RAPGEF4: variants seen among roughly 807,000 people sequenced by gnomAD.
The protein encoded by RAPGEF4 is RAP guanine-nucleotide-exchange factor (GEF) 4.
RAPGEF4 carries 66 observed loss-of-function variants against 147.9 expected under a neutral mutation model. The ratio of observed to expected loss-of-function variants is 0.45; its 90% CI spans 0.37 to 0.55. RAPGEF4 has a LOEUF of 0.55. RAPGEF4 is among the 20% of genes least tolerant of loss of function. The probability of loss-of-function intolerance (pLI) is 0.00; values close to 1 mark genes in which losing one functional copy is unlikely to be tolerated. For synonymous variants in RAPGEF4, 419 were observed against 442.7 expected (o/e 0.95, Z 0.67); for missense variants, 1,071 against 1,257.3 (o/e 0.85, Z 2.24).
rs543451897 is a variant in RAPGEF4 at position 173,030,146 on chromosome 2, G to A, written c.2559-18G>A. 7.2e-6 allele frequency: 11 copies of A among 1,530,296 alleles called. No individual in the cohort carries two copies. The highest frequency in any genetic ancestry group is 2.7e-5 in the African/African-American group (2 of 73,166). The allele number at this position is 1,530,296 out of a possible 1,614,324, so 94.8% of individuals were successfully genotyped here. On this transcript the variant is annotated intron_variant, in intron 25 of 30. Coordinates refer to ENST00000397081, the MANE Select transcript of RAPGEF4 (RefSeq NM_007023.4). ...CAGAAGTAACATTTTACTCAAACAC[G>A]CATCTCCTGTGTTTCAGCTGTAAGG...
At chr2:172,865,830 A>C (rs2149792855) in intron 4 of RAPGEF4, among the ~76,000 whole-genome samples, 1 of 152,122 alleles carries the variant, frequency 6.6e-6, no homozygotes, top group East Asian at 1.9e-4. Context: ...ACTGGCAATT[A>C]TATATATGTG....
chr2:172,923,807 T>C (rs1031331524), intron 6 of RAPGEF4, among the ~76,000 whole-genome samples: 4 of 152,272 alleles, frequency 2.6e-5, no homozygotes, highest in South Asian at 4.1e-4. Flanking sequence ...TCAGTAAACA[T>C]TGGGGCTATT....
chr2:172,814,438 G>T lies in RAPGEF4; in HGVS notation c.444+13G>T, dbSNP rs756078472. 13 of 1,613,906 alleles carry T rather than the reference G, an allele frequency of 8.1e-6. No individual in the cohort carries two copies. Among genetic ancestry groups the T allele is most frequent in the Non-Finnish European group, 1.1e-5 (13 of 1,179,892 alleles). On this transcript the variant is annotated intron_variant, in intron 4 of 30. Coordinates refer to ENST00000397081, the MANE Select transcript of RAPGEF4 (RefSeq NM_007023.4). ...GGCACTATGGGAGGTGAGCCCTAAG[G>T]CTTCTTTGTCAATTAATGCAGTTTC... is the stretch of plus-strand genomic sequence containing the variant.
intron 11 of RAPGEF4, among the ~76,000 whole-genome samples, chr2:172,984,945 G>A (rs1237581426): frequency 6.6e-6 from 1 of 152,130 alleles, no homozygotes; most frequent in Non-Finnish European, 1.5e-5. Context: ...TAGCTAGCTA[G>A]GAATAATTTG....
intron 4 of RAPGEF4, among the ~76,000 whole-genome samples, chr2:172,905,242 A>G (rs967802399): frequency 2.0e-5 from 3 of 151,862 alleles, no homozygotes; most frequent in African/African-American, 2.4e-5. Flanking sequence ...ATCTAGCGTC[A>G]TTGTGCGAAT....
At chr2:172,987,038 T>C (rs183433881) in intron 12 of RAPGEF4, among the ~76,000 whole-genome samples, 176 of 152,172 alleles carry the variant, frequency 1.2e-3, no homozygotes, top group Non-Finnish European at 1.1e-3. Flanking sequence ...ACACGCTGGG[T>C]GCAGTGGCTC....
intron 30 of RAPGEF4, among the ~76,000 whole-genome samples, chr2:173,049,437 C>G (rs1020599): frequency 0.27 from 40,588 of 152,004 alleles, 5,841 homozygotes; most frequent in East Asian, 0.63. Flanking sequence ...CATTGTATGA[C>G]TCACTTGAAG....
At chr2:172,856,080 T>C (rs1308482994) in intron 4 of RAPGEF4, among the ~76,000 whole-genome samples, 1 of 152,186 alleles carries the variant, frequency 6.6e-6, no homozygotes, top group East Asian at 1.9e-4. Flanking sequence ...TGTCTTCTTG[T>C]CCTTCTGGAA....
At chr2:172,903,589 T>C (rs72908266) in intron 4 of RAPGEF4, among the ~76,000 whole-genome samples, 31,502 of 151,302 alleles carry the variant, frequency 0.21, 3,848 homozygotes, top group Middle Eastern at 0.3. Flanking sequence ...AGCTAAGAAG[T>C]AGCATGTTCT....
intron 4 of RAPGEF4, among the ~76,000 whole-genome samples, chr2:172,913,544 C>T (rs999054096): frequency 7.9e-5 from 12 of 152,214 alleles, no homozygotes; most frequent in Admixed American, 2.0e-4. Context: ...GGCGTCTTCA[C>T]TCATGTGTTG....
intron 4 of RAPGEF4, among the ~76,000 whole-genome samples, chr2:172,901,218 T>C (rs1699026635): frequency 6.6e-6 from 1 of 152,232 alleles, no homozygotes; most frequent in Admixed American, 6.5e-5. Flanking sequence ...AATGAGTATA[T>C]TTTGGCACTA....
chr2:173,005,528 T>TTGTTTG (rs1559178784), intron 17 of RAPGEF4, among the ~76,000 whole-genome samples: 10 of 136,996 alleles, frequency 7.3e-5, no homozygotes, highest in African/African-American at 2.8e-4. Context: ...GTGTTTTTTT[T>TTGTTTG]TTTTTTTTTT....
chr2:172,774,185 A>G (rs1362142822), intron 1 of RAPGEF4, among the ~76,000 whole-genome samples: 1 of 152,222 alleles, frequency 6.6e-6, no homozygotes. Context: ...ATGGAGCCCT[A>G]AAAGCTCTGT....
In RAPGEF4 at chr2:172,750,676, A is replaced by G. The variant is rs565608483; in HGVS notation, c.65+14628A>G. Among the ~76,000 whole-genome samples the G allele has an allele frequency of 7.9e-5, 12 of 152,254 alleles. No individual in the cohort carries two copies. In the East Asian group the frequency reaches 2.1e-3, roughly 27 times the overall value. ...ATTTTATGTCTTTCTGGTAATAGCC[A>G]TTCTAACAGGTGTGACATTGTTTTT... On this transcript the variant is annotated intron_variant, in intron 1 of 30. Coordinates refer to ENST00000397081, the MANE Select transcript of RAPGEF4 (RefSeq NM_007023.4).
At chr2:172,994,852 T>A (rs1693168374) in intron 15 of RAPGEF4, among the ~76,000 whole-genome samples, 1 of 149,348 alleles carries the variant, frequency 6.7e-6, no homozygotes, top group South Asian at 2.1e-4. Context: ...GAGATGAAAG[T>A]AGACTATTTT....
At chr2:173,012,833 T>G (rs1426291239) in intron 17 of RAPGEF4, among the ~76,000 whole-genome samples, 1 of 152,212 alleles carries the variant, frequency 6.6e-6, no homozygotes, top group Non-Finnish European at 1.5e-5. Context: ...CTACCATGCA[T>G]CTGACTATGC....
intron 6 of RAPGEF4, among the ~76,000 whole-genome samples, chr2:172,923,047 C>G (rs1346626069): frequency 1.3e-5 from 2 of 152,178 alleles, no homozygotes; most frequent in African/African-American, 4.8e-5. Context: ...CAAGTGGCAA[C>G]GTTACAGGAT....
chr2:173,050,614 C>T (rs1686073726), intron 30 of RAPGEF4, among the ~76,000 whole-genome samples: 1 of 152,174 alleles, frequency 6.6e-6, no homozygotes, highest in South Asian at 2.1e-4. Flanking sequence ...AGAGGCCCTA[C>T]CCAGTGATGC....
chr2:172,913,969 A>G (rs1683746084), intron 4 of RAPGEF4, among the ~76,000 whole-genome samples: 1 of 152,180 alleles, frequency 6.6e-6, no homozygotes, highest in Non-Finnish European at 1.5e-5. Context: ...ATTCACACAC[A>G]CAAACATCTT....
Sources: allele counts gnomAD v4.1 joint callset (sites outside exome capture counted in the v4.1 genomes callset), GRCh38; gene constraint gnomAD v4.1.1; transcripts MANE v1.5; gene names NCBI Gene and HGNC (gene_info 2026-07-23, HGNC 2026-07-21).